Variants in TPX2 observed in about 807,000 individuals in gnomAD.
TPX2 encodes the protein TPX2 microtubule nucleation factor.
Under a neutral mutation model 93.6 loss-of-function variants are expected in TPX2, and 21 were observed. That is an observed-to-expected ratio of 0.22 (90% CI 0.16 to 0.32). The LOEUF is 0.32. Among genes scored for constraint, TPX2 ranks in the 10% least tolerant of loss-of-function variants. TPX2 has a pLI of 1.00. For synonymous variants in TPX2, 281 were observed against 298.3 expected, an observed-to-expected ratio of 0.94 and a Z score of 0.60; for missense variants, 776 against 871.1, an observed-to-expected ratio of 0.89 and a Z score of 1.37.
chr20:31,749,550 G>A lies in TPX2; in HGVS notation c.-71+6903G>A, dbSNP rs556929855. 2.6e-5 allele frequency among the ~76,000 whole-genome samples: 4 copies of A among 152,100 alleles called. No homozygotes were observed. The South Asian group carries it at 8.3e-4, about 32-fold the overall frequency. On this transcript the variant is annotated intron_variant, in intron 2 of 17. Transcript: ENST00000300403. ...GTGGCTTACGCTAGTAATCCCAGCA[G>A]TTTGGGAGGCTGAGGCGGGTGGATC...
chr20:31,750,082 C>A (rs1267857305), intron 2 of TPX2, among the ~76,000 whole-genome samples: 1 of 151,558 alleles, frequency 6.6e-6, no homozygotes, highest in Non-Finnish European at 1.5e-5. Flanking sequence ...GGACTACAGG[C>A]GCATGCCACG....
Position 31,776,006 on chromosome 20 carries a change from T to C in TPX2, c.730+18T>C, listed in dbSNP as rs1385313304. On this transcript the variant is annotated intron_variant, in intron 8 of 17. Coordinates refer to ENST00000300403, the MANE Select transcript of TPX2 (RefSeq NM_012112.5). ...TGGAATAGGTGAGCTTGGCTGTGGTTGAGTCTGATTCATGAGGGGTGGTTC... is the reference window on the plus strand; with the variant it reads ...TGGAATAGGTGAGCTTGGCTGTGGTCGAGTCTGATTCATGAGGGGTGGTTC... The C allele has an allele frequency of 1.4e-6, 2 of 1,472,750 alleles. No homozygotes were observed. The highest frequency in any genetic ancestry group is 4.3e-5 in the Admixed American group (2 of 46,550). The allele number at this position is 1,472,750 out of a possible 1,614,324, so 91.2% of individuals were successfully genotyped here.
chr20:31,760,382 A>AT (rs1188327411), intron 4 of TPX2, among the ~76,000 whole-genome samples: 390 of 145,148 alleles, frequency 2.7e-3, no homozygotes, highest in Middle Eastern at 0.014. Context: ...CTAACATAGA[A>AT]TTTTTTTTTT....
At chr20:31,768,106 G>A (rs6058458) in intron 5 of TPX2, among the ~76,000 whole-genome samples, 17 of 151,040 alleles carry the variant, frequency 1.1e-4, no homozygotes, top group Non-Finnish European at 1.9e-4. Context: ...GCTAATTTTC[G>A]TATTTTTTGT....
At chr20:31,739,821 G>A (rs1233362024) in intron 1 of TPX2, among the ~76,000 whole-genome samples, 200 bp downstream of exon 1, 1 of 152,154 alleles carries the variant, frequency 6.6e-6, no homozygotes, top group East Asian at 1.9e-4. Context: ...TCGAGAAATG[G>A]GTGATACAGT....
At chr20:31,789,213 T>C in intron 12 of TPX2, among the ~76,000 whole-genome samples, 1 of 152,206 alleles carries the variant, frequency 6.6e-6, no homozygotes, top group East Asian at 1.9e-4. Context: ...TAAATCTTCA[T>C]TGTCTCTTTC....
chr20:31,751,009 A>G (rs563952327), intron 2 of TPX2, among the ~76,000 whole-genome samples: 48 of 151,592 alleles, frequency 3.2e-4, no homozygotes, highest in Admixed American at 1.1e-3. Context: ...CTGGACTCAA[A>G]TGATCCTCCC....
intron 8 of TPX2, among the ~76,000 whole-genome samples, chr20:31,777,070 A>G (rs2062004896): frequency 6.6e-6 from 1 of 152,178 alleles, no homozygotes; most frequent in African/African-American, 2.4e-5. Context: ...TCATAACTAT[A>G]AAGTTCTCCT....
chr20:31,765,286 C>G (rs1225991448), intron 4 of TPX2, among the ~76,000 whole-genome samples: 2 of 148,746 alleles, frequency 1.3e-5, no homozygotes, highest in East Asian at 3.9e-4. Context: ...ACTGAGACCC[C>G]CATCTCTATT....
chr20:31,771,608 T>G lies in TPX2; in HGVS notation c.534T>G (p.Asp178Glu), dbSNP rs768731936. ...KPEEEGSAHQ[D>E]TAEKNASSPE... ...AGGAAGAAGGCAGTGCTCATCAAGA[T>G]ACTGCTGAAAAGAATGCATCTTCCC... The change falls in exon 7 of 18, where the codon GAT becomes GAG. Residue 178 changes from aspartate (D) to glutamate (E), a missense_variant. Around this residue, in one of 3 missense-constraint regions of TPX2, gnomAD observed 279 missense variants for 261.6 expected, o/e 1.07. Coordinates refer to ENST00000300403, the MANE Select transcript of TPX2 (RefSeq NM_012112.5). 4 of 1,614,006 alleles carry G rather than the reference T, an allele frequency of 2.5e-6. No individual in the cohort carries two copies. The South Asian group carries it at 4.4e-5, about 18-fold the overall frequency.
At position 31,771,675 on chromosome 20, in the gene TPX2, C is replaced by T. The variant is rs752131749; in HGVS notation, c.601C>T (p.Pro201Ser). 96 of 1,599,882 alleles carry T rather than the reference C, an allele frequency of 6.0e-5. No individual in the cohort carries two copies. The highest frequency in any genetic ancestry group is 7.9e-5 in the Non-Finnish European group (93 of 1,176,504). Residue 201 changes from proline to serine, a missense_variant, in exon 7 of 18, where the codon CCT (proline) becomes TCT (serine). Physicochemically the swap from Pro to Ser is moderately conservative, Grantham distance 74. Coordinates refer to ENST00000300403, the MANE Select transcript of TPX2 (RefSeq NM_012112.5). ...KGRHTVPCMPPAKQKFLKSTE... is the reference protein window; with the variant it reads ...KGRHTVPCMPSAKQKFLKSTE... The stretch of plus-strand genomic sequence containing the variant: ...TAGACATACTGTGCCTTGTATGCCA[C>T]CTGCAAAGTAAGTTTCTTTCCTGAA...
At chr20:31,756,552 G>A (rs903758310) in intron 2 of TPX2, among the ~76,000 whole-genome samples, 1 of 152,170 alleles carries the variant, frequency 6.6e-6, no homozygotes, top group South Asian at 2.1e-4. Flanking sequence ...ACCTAGCACA[G>A]TGTAGATACT....
At chr20:31,743,241 CT>C (rs1412422693) in intron 2 of TPX2, among the ~76,000 whole-genome samples, 1 of 152,052 alleles carries the variant, frequency 6.6e-6, no homozygotes, top group Non-Finnish European at 1.5e-5. Flanking sequence ...TGCTCAAGCC[CT>C]GGTATAAAAT....
At chr20:31,789,174 T>C (rs2062085166) in intron 12 of TPX2, among the ~76,000 whole-genome samples, 1 of 152,192 alleles carries the variant, frequency 6.6e-6, no homozygotes, top group African/African-American at 2.4e-5. Flanking sequence ...TTTAGAGCAC[T>C]TGTGAAAATT....
In TPX2 at chr20:31,801,114, TG is replaced by T; in HGVS notation, c.*37del. ...GTGAGCTGCGGATACCGCCCGGCAATGGGACCTGCTCTTAACCTCAAACCTA... is the reference window on the plus strand; with the variant it reads ...GTGAGCTGCGGATACCGCCCGGCAATGGACCTGCTCTTAACCTCAAACCTA... On this transcript the variant is annotated 3_prime_UTR_variant, in exon 18 of 18. Transcript: ENST00000300403. The T allele has an allele frequency of 6.3e-7, 1 of 1,581,138 alleles. No individual in the cohort carries two copies. Among genetic ancestry groups the T allele is most frequent in the Non-Finnish European group, 8.7e-7 (1 of 1,149,992 alleles).
chr20:31,742,917 C>T (rs2061761406), intron 2 of TPX2, among the ~76,000 whole-genome samples: 1 of 152,018 alleles, frequency 6.6e-6, no homozygotes, highest in Non-Finnish European at 1.5e-5. Context: ...CCCAGGATAT[C>T]AAAATTCTCA....
rs1341809591 is a variant in TPX2 at position 31,760,140 on chromosome 20, G to A, written c.190G>A (p.Ala64Thr). 1.2e-6 allele frequency: 2 copies of A among 1,613,758 alleles called. No individual in the cohort carries two copies. Among genetic ancestry groups the A allele is most frequent in the South Asian group, 1.1e-5 (1 of 91,064 alleles). The change falls in exon 4 of 18, where the codon GCT becomes ACT. Residue 64 changes from alanine (A) to threonine (T), a missense_variant. By Grantham distance (58) the Ala-to-Thr change is moderately conservative. This residue lies in a region of TPX2 where 279 missense variants were observed against 261.6 expected (regional missense o/e 1.07). Coordinates refer to ENST00000300403, the MANE Select transcript of TPX2 (RefSeq NM_012112.5). ...LFQGKTPLRK[A>T]NLQQAIVTPL... ...TCAGGGCAAAACTCCTTTGAGAAAG[G>A]CTAATCTTCAGCAAGCTATTGTCAC...
chr20:31,751,374 A>G (rs2061818564), intron 2 of TPX2, among the ~76,000 whole-genome samples: 1 of 152,050 alleles, frequency 6.6e-6, no homozygotes, highest in Non-Finnish European at 1.5e-5. Context: ...CATTAAGATC[A>G]TGGGAATCCA....
At chr20:31,785,699 T>C (rs1338078579) in intron 12 of TPX2, among the ~76,000 whole-genome samples, 1 of 152,178 alleles carries the variant, frequency 6.6e-6, no homozygotes, top group East Asian at 1.9e-4. Flanking sequence ...GGTTTCGCCT[T>C]GTTAGCCCGG....
Sources: allele counts gnomAD v4.1 joint callset (sites outside exome capture counted in the v4.1 genomes callset), GRCh38; gene constraint gnomAD v4.1.1; regional missense constraint gnomAD v4.1.1; transcripts MANE v1.5; gene names NCBI Gene and HGNC (gene_info 2026-07-23, HGNC 2026-07-21).